The following EFNA5 variants were observed in gnomAD, a reference collection of about 807,000 sequenced individuals.
EFNA5 encodes ephrin A5.
Under a neutral mutation model 22.9 loss-of-function variants are expected in EFNA5, and 5 were observed. The ratio of observed to expected loss-of-function variants is 0.22; its 90% confidence interval spans 0.11 to 0.46. The LOEUF (loss-of-function observed/expected upper bound fraction) is 0.46. Among genes scored for constraint, EFNA5 ranks in the 20% least tolerant of loss-of-function variants. The probability of loss-of-function intolerance (pLI) is 0.99; values close to 1 mark genes in which losing one functional copy is unlikely to be tolerated. For missense variants in EFNA5, 237 were observed against 293.3 expected (o/e 0.81, Z 1.40); for synonymous variants, 113 against 112.2 (o/e 1.01, Z -0.04).
intron 1 of EFNA5, among the ~76,000 whole-genome samples, chr5:107,432,986 T>C (rs1273919450): frequency 6.6e-6 from 1 of 152,230 alleles, no homozygotes; most frequent in South Asian, 2.1e-4. Context: ...ATTTTATTAA[T>C]AACATTTTCT....
At chr5:107,406,180 AGAAT>A (rs1748215774) in intron 2 of EFNA5, among the ~76,000 whole-genome samples, 1 of 149,370 alleles carries the variant, frequency 6.7e-6, no homozygotes, top group Admixed American at 6.7e-5. Context: ...TTATATACAT[AGAAT>A]GTATACAAAT....
intron 1 of EFNA5, among the ~76,000 whole-genome samples, chr5:107,537,930 T>C (rs752311182): frequency 9.2e-5 from 14 of 152,136 alleles, no homozygotes; most frequent in South Asian, 2.1e-4. Flanking sequence ...CACTGGAGTA[T>C]TGGCAAATAT....
At chr5:107,439,996 C>T (rs956108368) in intron 1 of EFNA5, among the ~76,000 whole-genome samples, 3 of 152,168 alleles carry the variant, frequency 2.0e-5, no homozygotes, top group Non-Finnish European at 2.9e-5. Context: ...GTGGTTTAGA[C>T]TGGGGAACAA....
At chr5:107,515,528 G>A (rs375143633) in intron 1 of EFNA5, among the ~76,000 whole-genome samples, 9 of 151,620 alleles carry the variant, frequency 5.9e-5, no homozygotes, top group Non-Finnish European at 7.4e-5. Flanking sequence ...ACAGGCATGC[G>A]CCACCACACC....
intron 1 of EFNA5, among the ~76,000 whole-genome samples, chr5:107,669,039 A>T (rs1751128765): frequency 1.3e-5 from 2 of 152,074 alleles, no homozygotes; most frequent in Admixed American, 6.5e-5. Context: ...ATCTTGGACT[A>T]GCGGGATAGG....
At chr5:107,574,116 G>T (rs1283836085) in intron 1 of EFNA5, among the ~76,000 whole-genome samples, 6 of 152,078 alleles carry the variant, frequency 3.9e-5, no homozygotes, top group African/African-American at 1.4e-4. Flanking sequence ...TCAAGTATGG[G>T]GATAAGTATG....
intron 2 of EFNA5, among the ~76,000 whole-genome samples, chr5:107,413,204 A>C (rs905512960): frequency 1.3e-5 from 2 of 152,100 alleles, no homozygotes; most frequent in African/African-American, 2.4e-5. Flanking sequence ...TTCAAAACTT[A>C]ATAATACTTT....
chr5:107,603,524 A>G (rs1390925454), intron 1 of EFNA5, among the ~76,000 whole-genome samples: 1 of 152,242 alleles, frequency 6.6e-6, no homozygotes, highest in Non-Finnish European at 1.5e-5. Context: ...GTTCCATTTT[A>G]GTCATTCACT....
chr5:107,596,985 C>T (rs567432661), intron 1 of EFNA5, among the ~76,000 whole-genome samples: 98 of 152,266 alleles, frequency 6.4e-4, no homozygotes, highest in African/African-American at 2.3e-3. Flanking sequence ...TACCTAATAA[C>T]TGTGTGGCTT....
chr5:107,564,148 G>T (rs1324145357), intron 1 of EFNA5, among the ~76,000 whole-genome samples: 1 of 152,166 alleles, frequency 6.6e-6, no homozygotes, highest in East Asian at 1.9e-4. Flanking sequence ...ACACTCTGCA[G>T]GCCTGTTGCT....
chr5:107,469,054 G>C (rs2112463743), intron 1 of EFNA5, among the ~76,000 whole-genome samples: 1 of 152,288 alleles, frequency 6.6e-6, no homozygotes, highest in Non-Finnish European at 1.5e-5. Flanking sequence ...TAAGTGCTTA[G>C]CATTTTGAAT....
At chr5:107,655,817 A>G (rs1403645845) in intron 1 of EFNA5, among the ~76,000 whole-genome samples, 2 of 152,184 alleles carry the variant, frequency 1.3e-5, no homozygotes, top group African/African-American at 4.8e-5. Flanking sequence ...ATGCATTAAA[A>G]TATGTGTTCC....
intron 1 of EFNA5, among the ~76,000 whole-genome samples, chr5:107,587,839 C>T (rs377233324): frequency 2.0e-5 from 3 of 152,118 alleles, no homozygotes; most frequent in African/African-American, 7.2e-5. Context: ...TTTTAATATA[C>T]GATGACTGTT....
Position 107,511,494 on chromosome 5 carries a change from T to C in EFNA5, c.126-83985A>G, listed in dbSNP as rs1230143310. Among the ~76,000 whole-genome samples the C allele has an allele frequency of 5.9e-5, 9 of 152,280 alleles. 1 individual carries two copies. The South Asian group carries it at 1.9e-3, about 32-fold the overall frequency. On this transcript the variant is annotated intron_variant, in intron 1 of 4. Coordinates refer to ENST00000333274, the MANE Select transcript of EFNA5 (RefSeq NM_001962.3). Reference sequence around the variant, plus strand: ...TGGTAGAGAAACAAAAATATACATGTAAAATAAACTCAGTATTTTAATAAT... The same window carrying C: ...TGGTAGAGAAACAAAAATATACATGCAAAATAAACTCAGTATTTTAATAAT...
chr5:107,468,456 T>C (rs1006245609), intron 1 of EFNA5, among the ~76,000 whole-genome samples: 1 of 152,194 alleles, frequency 6.6e-6, no homozygotes, highest in Non-Finnish European at 1.5e-5. Flanking sequence ...AGTGCATAAC[T>C]TGATAAGAAA....
intron 1 of EFNA5, among the ~76,000 whole-genome samples, chr5:107,553,001 C>T (rs1366907113): frequency 2.0e-5 from 3 of 151,714 alleles, no homozygotes; most frequent in African/African-American, 7.3e-5. Flanking sequence ...TAAATAAATG[C>T]AAGTTGCTAT....
chr5:107,558,831 T>C lies in EFNA5; in HGVS notation c.125+111658A>G, dbSNP rs183232919. Among the ~76,000 whole-genome samples, 23 of 152,370 alleles carry C rather than the reference T, an allele frequency of 1.5e-4. No homozygotes were observed. The East Asian group carries it at 4.0e-3, about 27-fold the overall frequency. On this transcript the variant is annotated intron_variant, in intron 1 of 4. Transcript: ENST00000333274. ...GTTTAAACATATAGCTTTGCCTTGA[T>C]GTAATTACTTTCTAAATGGGAAATA...
chr5:107,516,667 G>A (rs918485325), intron 1 of EFNA5, among the ~76,000 whole-genome samples: 4 of 152,110 alleles, frequency 2.6e-5, no homozygotes, highest in African/African-American at 4.8e-5. Context: ...AATTATCTGG[G>A]AAGCTTATGA....
At chr5:107,450,837 A>G (rs141501750) in intron 1 of EFNA5, among the ~76,000 whole-genome samples, 20 of 152,348 alleles carry the variant, frequency 1.3e-4, no homozygotes, top group Middle Eastern at 3.4e-3. Context: ...TTCAAATGTA[A>G]TATTAAAAAG....
Sources: gnomAD v4.1 joint callset for allele counts (sites outside exome capture counted in the v4.1 genomes callset) on GRCh38, gnomAD v4.1.1 for gene constraint, MANE v1.5 for transcripts, NCBI Gene and HGNC (gene_info 2026-07-23, HGNC 2026-07-21) for gene names.